Variants in SUCO observed in about 807,000 individuals in gnomAD.
The protein encoded by SUCO is SUN domain containing ossification factor, also known as SUN domain-containing ossification factor.
Under a neutral mutation model 148.1 loss-of-function variants are expected in SUCO, and 57 were observed. The observed-to-expected ratio is 0.38, with a 90% CI of 0.31 to 0.48. The LOEUF is 0.48. Among genes scored for constraint, SUCO ranks in the 20% least tolerant of loss-of-function variants. The pLI, the probability that SUCO is intolerant of heterozygous loss-of-function variation, is 0.96. For missense variants in SUCO, 1,331 were observed against 1,468.2 expected (o/e 0.91, Z 1.53); for synonymous variants, 470 against 502.7 (o/e 0.93, Z 0.87).
intron 23 of SUCO, 32 bp downstream of exon 23, chr1:172,608,834 T>A: frequency 7.1e-7 from 1 of 1,401,302 alleles, no homozygotes; most frequent in Non-Finnish European, 1.0e-6. Context: ...AGTTTATTGC[T>A]ATGTTTTGTG....
At chr1:172,561,717 A>G (rs1654168655) in intron 6 of SUCO, among the ~76,000 whole-genome samples, 1 of 152,002 alleles carries the variant, frequency 6.6e-6, no homozygotes, top group African/African-American at 2.4e-5. Context: ...GTACCCACTC[A>G]CCTCTACTCT....
chr1:172,594,437 ACACACTGCTTTAAATGTGTCC>A (rs1174442925), intron 19 of SUCO, among the ~76,000 whole-genome samples: 4 of 152,144 alleles, frequency 2.6e-5, no homozygotes, highest in African/African-American at 9.7e-5. Flanking sequence ...ATTTCCCTGT[ACACACTGCTTTAAATGTGTCC>A]CAGAGATTCT....
chr1:172,549,121 T>C (rs1245181402), intron 1 of SUCO, among the ~76,000 whole-genome samples: 1 of 151,958 alleles, frequency 6.6e-6, no homozygotes, highest in Non-Finnish European at 1.5e-5. Context: ...ATGGCTACTT[T>C]GTTGTTTTCA....
chr1:172,564,065 G>A (rs369049434), intron 6 of SUCO, among the ~76,000 whole-genome samples: 1 of 152,288 alleles, frequency 6.6e-6, no homozygotes, highest in Admixed American at 6.5e-5. Flanking sequence ...AAGGGCAGGA[G>A]TTGAGGTTTG....
At chr1:172,588,222 T>G (rs987510940) in intron 17 of SUCO, 16 of 985,218 alleles carry the variant, frequency 1.6e-5, no homozygotes, top group Non-Finnish European at 1.8e-5. Context: ...CAAATCATTC[T>G]TAGAAAAATT....
intron 20 of SUCO, 56 bp from the exon 21 acceptor site, chr1:172,602,008 A>T: frequency 6.6e-7 from 1 of 1,506,856 alleles, no homozygotes; most frequent in Non-Finnish European, 8.9e-7. Context: ...AGATACCCTT[A>T]TATTTTTCCT....
intron 1 of SUCO, among the ~76,000 whole-genome samples, chr1:172,538,676 G>GA (rs1652208442): frequency 6.6e-6 from 1 of 151,486 alleles, no homozygotes; most frequent in East Asian, 1.9e-4. Context: ...TTCTTTCCTT[G>GA]AATAAACCAA....
At chr1:172,544,906 C>T (rs1485622214) in intron 1 of SUCO, among the ~76,000 whole-genome samples, 1 of 152,084 alleles carries the variant, frequency 6.6e-6, no homozygotes. Flanking sequence ...GATTTGCAGA[C>T]GTAGCAAGTT....
At chr1:172,568,303 C>CTT in intron 6 of SUCO, 10 of 920,066 alleles carry the variant, frequency 1.1e-5, no homozygotes, top group Non-Finnish European at 1.3e-5. Flanking sequence ...TTATTCTTTG[C>CTT]TTCCCACCCA....
rs757154638 is a variant in SUCO, at chr1:172,553,417, C to T, written c.288+47C>T. The T allele has an allele frequency of 2.2e-6, 3 of 1,358,116 alleles. No individual in the cohort carries two copies. In the Admixed American group the frequency reaches 5.9e-5, roughly 27 times the overall value. 84.1% of individuals were successfully genotyped at this position (1,358,116 alleles called of 1,614,324 possible). On this transcript the variant is annotated intron_variant, in intron 3 of 23. Transcript: ENST00000263688. ...TTCAATAATATGTCATTTCAAACTACTTTACAAGATTGAAAACCTTTGGTC... is the reference window on the plus strand; with the variant it reads ...TTCAATAATATGTCATTTCAAACTATTTTACAAGATTGAAAACCTTTGGTC...
At chr1:172,588,403 C>T in intron 17 of SUCO, 3 of 984,864 alleles carry the variant, frequency 3.0e-6, no homozygotes, top group Non-Finnish European at 3.6e-6. Flanking sequence ...GATAGTGAAG[C>T]TTGTAAAGAT....
chr1:172,576,101 T>C (rs1356180766), intron 11 of SUCO, among the ~76,000 whole-genome samples: 1 of 151,882 alleles, frequency 6.6e-6, no homozygotes, highest in African/African-American at 2.4e-5. Flanking sequence ...CAAGTACCAA[T>C]TGCAAATAAA....
intron 9 of SUCO, among the ~76,000 whole-genome samples, chr1:172,571,271 G>C (rs1042970253): frequency 3.3e-5 from 5 of 152,176 alleles, no homozygotes; most frequent in African/African-American, 1.2e-4. Context: ...GTGTTGGCCG[G>C]GCTGGTCTCC....
chr1:172,586,420 G>A (rs781586617), intron 17 of SUCO, among the ~76,000 whole-genome samples: 1 of 152,154 alleles, frequency 6.6e-6, no homozygotes, highest in Non-Finnish European at 1.5e-5. Context: ...TCTGAATCAT[G>A]TAGGCCTTTC....
chr1:172,589,949 A>T, intron 18 of SUCO, 23 bp downstream of exon 18: 2 of 1,496,932 alleles, frequency 1.3e-6, no homozygotes, highest in Non-Finnish European at 1.8e-6. Context: ...ATGAATTAGC[A>T]CAGTCAGCTT....
rs552259577 is a variant in SUCO at position 172,605,393 on chromosome 1, C to T, written c.3265+2606C>T. Reference sequence around the variant, plus strand: ...TTTGGAATGTGAATATTCAGTTTTTCCAGCACCATTTGTTGAAGAGACTGT... The same window carrying T: ...TTTGGAATGTGAATATTCAGTTTTTTCAGCACCATTTGTTGAAGAGACTGT... On this transcript the variant is annotated intron_variant, in intron 22 of 23. Transcript: ENST00000263688. Among the ~76,000 whole-genome samples the T allele has an allele frequency of 8.6e-5, 13 of 151,946 alleles. No individual in the cohort carries two copies. The East Asian group carries it at 2.5e-3, about 29-fold the overall frequency.
At chr1:172,606,142 A>G (rs886733009) in intron 22 of SUCO, among the ~76,000 whole-genome samples, 1 of 151,554 alleles carries the variant, frequency 6.6e-6, no homozygotes, top group African/African-American at 2.4e-5. Context: ...TGTATATATT[A>G]TTTCTACATA....
In SUCO at chr1:172,589,799, G is replaced by C. The variant is rs1293404756; in HGVS notation, c.2698G>C (p.Ala900Pro). The stretch of plus-strand genomic sequence containing the variant: ...GCAAAATTCTACAGATCTAGGATAT[G>C]CTAATGGAAATCTTGTACATGGATC... ...ELQNSTDLGYANGNLVHGSNQ... is the reference protein window; with the variant it reads ...ELQNSTDLGYPNGNLVHGSNQ... The change falls in exon 18 of 24, where the codon GCT becomes CCT. Residue 900 changes from alanine to proline, a missense_variant. Ala to Pro is a conservative substitution (Grantham distance 27). Coordinates refer to ENST00000263688, the MANE Select transcript of SUCO (RefSeq NM_014283.5). 5.6e-6 allele frequency: 9 copies of C among 1,611,966 alleles called. No homozygotes were observed. The highest frequency in any genetic ancestry group is 7.6e-6 in the Non-Finnish European group (9 of 1,179,310).
At chr1:172,602,863 G>C in intron 22 of SUCO, 76 bp downstream of exon 22, 1 of 1,297,446 alleles carries the variant, frequency 7.7e-7, no homozygotes, top group Non-Finnish European at 1.1e-6. Context: ...TGTCAGTGTT[G>C]TGTTCATGAC....
Sources: gnomAD v4.1 joint callset for allele counts (sites outside exome capture counted in the v4.1 genomes callset) on GRCh38, gnomAD v4.1.1 for gene constraint, MANE v1.5 for transcripts, NCBI Gene and HGNC (gene_info 2026-07-23, HGNC 2026-07-21) for gene names.